Variants in TBC1D12 observed in about 807,000 individuals in gnomAD.
TBC1D12 encodes TBC1 domain family, member 12.
TBC1D12 carries 56 observed loss-of-function variants against 86.7 expected under a neutral mutation model. The ratio of observed to expected loss-of-function variants is 0.65; its 90% CI spans 0.52 to 0.81. The LOEUF is 0.81. TBC1D12 is among the 30% of genes least tolerant of loss of function. The pLI, the probability that TBC1D12 is intolerant of heterozygous loss-of-function variation, is 0.00. For missense variants in TBC1D12, 1,023 were observed against 1,038.8 expected, an observed-to-expected ratio of 0.98 and a Z score of 0.21; for synonymous variants, 421 against 411.7, an observed-to-expected ratio of 1.02 and a Z score of -0.27.
intron 3 of TBC1D12, among the ~76,000 whole-genome samples, chr10:94,484,933 T>C (rs2134162867): frequency 6.6e-6 from 1 of 152,330 alleles, no homozygotes; most frequent in South Asian, 2.1e-4. Context: ...TGTTACTGAT[T>C]TTTGTCTGTT....
chr10:94,419,793 T>G lies in TBC1D12; in HGVS notation c.971+16209T>G, dbSNP rs189541375. Among the ~76,000 whole-genome samples, 230 of 152,330 alleles carry G rather than the reference T, an allele frequency of 1.5e-3. 1 individual carries two copies. The highest frequency in any genetic ancestry group is 4.2e-3 in the African/African-American group (175 of 41,582). ...GTAATTTAGTTTTCTATTTAATACA[T>G]TTAATACCAAACAGAGCCACAAAGA... On this transcript the variant is annotated intron_variant, in intron 1 of 12. Coordinates refer to ENST00000225235, the MANE Select transcript of TBC1D12 (RefSeq NM_015188.2).
At chr10:94,427,833 C>CAAAAAAAAA (rs71031576) in intron 1 of TBC1D12, among the ~76,000 whole-genome samples, 2 of 67,022 alleles carry the variant, frequency 3.0e-5, no homozygotes, top group Admixed American at 2.4e-4. Context: ...CCCTGTCTCA[C>CAAAAAAAAA]AAAAAAAAAA....
intron 9 of TBC1D12, among the ~76,000 whole-genome samples, chr10:94,518,745 A>G (rs1023476063): frequency 2.6e-5 from 4 of 152,332 alleles, no homozygotes; most frequent in Non-Finnish European, 5.9e-5. Flanking sequence ...GATATATAAT[A>G]AATCTGAATG....
At chr10:94,508,228 G>A (rs1783944460) in intron 7 of TBC1D12, among the ~76,000 whole-genome samples, 1 of 151,690 alleles carries the variant, frequency 6.6e-6, no homozygotes, top group Non-Finnish European at 1.5e-5. Flanking sequence ...TGTTTCACAA[G>A]CCTCTTATAC....
chr10:94,528,327 T>C (rs2134234468), intron 11 of TBC1D12, among the ~76,000 whole-genome samples: 1 of 152,334 alleles, frequency 6.6e-6, no homozygotes, highest in South Asian at 2.1e-4. Flanking sequence ...CTTATTATTT[T>C]TGTACCTATT....
intron 1 of TBC1D12, among the ~76,000 whole-genome samples, chr10:94,426,004 G>A (rs1274097525): frequency 2.0e-5 from 3 of 152,018 alleles, no homozygotes; most frequent in African/African-American, 4.8e-5. Flanking sequence ...ATTGATTTTT[G>A]TGTGCTTGCC....
At chr10:94,495,770 T>G (rs915477639) in intron 4 of TBC1D12, among the ~76,000 whole-genome samples, 1 of 151,978 alleles carries the variant, frequency 6.6e-6, no homozygotes, top group Non-Finnish European at 1.5e-5. Flanking sequence ...TCCCAAGAAA[T>G]CTTATATAGA....
At chr10:94,483,813 G>T (rs1482871499) in intron 3 of TBC1D12, among the ~76,000 whole-genome samples, 1 of 151,954 alleles carries the variant, frequency 6.6e-6, no homozygotes, top group Non-Finnish European at 1.5e-5. Flanking sequence ...TTATGCTATG[G>T]TTGCCTGTGC....
intron 8 of TBC1D12, among the ~76,000 whole-genome samples, 180 bp downstream of exon 8, chr10:94,510,359 C>A (rs893108625): frequency 6.6e-6 from 1 of 152,000 alleles, no homozygotes; most frequent in Admixed American, 6.6e-5. Context: ...TATTTTATTC[C>A]ACTGACCGAA....
intron 1 of TBC1D12, among the ~76,000 whole-genome samples, chr10:94,419,132 C>T (rs932544740): frequency 2.0e-5 from 3 of 152,134 alleles, no homozygotes; most frequent in Non-Finnish European, 2.9e-5. Context: ...CTCGGCCTCC[C>T]GAAGTGCTGG....
intron 9 of TBC1D12, among the ~76,000 whole-genome samples, chr10:94,518,723 A>G (rs1234567858): frequency 6.6e-6 from 1 of 152,222 alleles, no homozygotes. Context: ...CTTTTCATAT[A>G]TGCACAAGAG....
chr10:94,467,321 C>T (rs557370054), intron 2 of TBC1D12, among the ~76,000 whole-genome samples: 11 of 152,230 alleles, frequency 7.2e-5, no homozygotes, highest in Admixed American at 1.3e-4. Context: ...CAACCTTTGC[C>T]TCCTGGGTTC....
intron 2 of TBC1D12, among the ~76,000 whole-genome samples, chr10:94,469,930 C>T (rs907095180): frequency 5.3e-5 from 8 of 152,264 alleles, no homozygotes; most frequent in Non-Finnish European, 1.0e-4. Context: ...GTTTGTTCCC[C>T]CTTTGTCAGG....
At chr10:94,485,752 T>C (rs1268435245) in intron 3 of TBC1D12, among the ~76,000 whole-genome samples, 3 of 152,168 alleles carry the variant, frequency 2.0e-5, no homozygotes, top group African/African-American at 7.2e-5. Context: ...GGTAGACTTT[T>C]AATTACAACT....
At chr10:94,522,791 C>CT (rs558853019) in intron 11 of TBC1D12, among the ~76,000 whole-genome samples, 111 of 152,106 alleles carry the variant, frequency 7.3e-4, no homozygotes, top group Admixed American at 3.4e-3. Context: ...CACGGTGGCT[C>CT]ATGCCTGTAA....
At chr10:94,481,759 G>A (rs1321109522) in intron 3 of TBC1D12, among the ~76,000 whole-genome samples, 1 of 150,010 alleles carries the variant, frequency 6.7e-6, no homozygotes, top group Non-Finnish European at 1.5e-5. Context: ...TGCCTAACTG[G>A]CTGAAGAGGC....
intron 1 of TBC1D12, among the ~76,000 whole-genome samples, chr10:94,410,318 C>T (rs2054913436): frequency 6.6e-6 from 1 of 152,150 alleles, no homozygotes; most frequent in Admixed American, 6.5e-5. Flanking sequence ...AAAACCAGTA[C>T]CTGTTTGCCT....
rs758268736 is a variant in TBC1D12, at chr10:94,402,624, C to T, written c.11C>T (p.Pro4Leu). The T allele has an allele frequency of 1.9e-6, 3 of 1,611,662 alleles. No individual in the cohort carries two copies. Among genetic ancestry groups the T allele is most frequent in the South Asian group, 2.2e-5 (2 of 91,020 alleles). The change falls in exon 1 of 13, where the codon CCG (proline) becomes CTG (leucine). Residue 4 changes from proline to leucine, a missense_variant. Pro to Leu is a moderately conservative substitution (Grantham distance 98). This residue lies in a region of TBC1D12 where 628 missense variants were observed against 531.1 expected (regional missense o/e 1.18). Coordinates refer to ENST00000225235, the MANE Select transcript of TBC1D12 (RefSeq NM_015188.2). ...GCCACCCACCCCCAGATGGTGGGTC[C>T]GGAGGATGCCGGAGCCTGCTCGGGA... The part of the protein sequence containing the change: MVG[P>L]EDAGACSGRN...
rs115463919 is a variant in TBC1D12 at position 94,443,138 on chromosome 10, C to T, written c.1095+1119C>T. ...TTCACCCCCATAGAATGTACATGCA[C>T]GGCACTAGAGGACTGCATGTTTGTC... On this transcript the variant is annotated intron_variant, in intron 2 of 12. Coordinates refer to ENST00000225235, the MANE Select transcript of TBC1D12 (RefSeq NM_015188.2). 6.7e-3 allele frequency among the ~76,000 whole-genome samples: 1,026 copies of T among 152,168 alleles called. 10 individuals are homozygous for T. The highest frequency in any genetic ancestry group is 0.022 in the African/African-American group (912 of 41,502).
Sources: gnomAD v4.1 joint callset for allele counts (sites outside exome capture counted in the v4.1 genomes callset) on GRCh38, gnomAD v4.1.1 for gene constraint, gnomAD v4.1.1 regional missense constraint, MANE v1.5 for transcripts, NCBI Gene and HGNC (gene_info 2026-07-23, HGNC 2026-07-21) for gene names.